NRG1: variants seen among roughly 807,000 people sequenced by gnomAD.
NRG1 encodes the protein pro-neuregulin-1, membrane-bound isoform.
In NRG1, 18 loss-of-function variants were observed where a neutral mutation model predicts 63.8. The observed-to-expected ratio is 0.28, with a 90% CI of 0.19 to 0.42. The LOEUF (loss-of-function observed/expected upper bound fraction) is 0.42. Among genes scored for constraint, NRG1 ranks in the 10% least tolerant of loss-of-function variants. The pLI is 1.00. For missense variants in NRG1, 762 were observed against 814.7 expected (o/e 0.94, Z 0.79); for synonymous variants, 302 against 301.3 (o/e 1.00, Z -0.02).
intron 1 of NRG1, among the ~76,000 whole-genome samples, chr8:31,944,604 A>G (rs957695579): frequency 3.3e-5 from 5 of 152,182 alleles, no homozygotes; most frequent in Admixed American, 1.3e-4. Context: ...AGAGCATAAT[A>G]AAACAAAAGA....
At chr8:31,715,594 G>A (rs1394524943) in intron 1 of NRG1, among the ~76,000 whole-genome samples, 2 of 152,032 alleles carry the variant, frequency 1.3e-5, no homozygotes, top group South Asian at 2.1e-4. Context: ...TTTAAATTCT[G>A]TATTATGAAT....
chr8:32,158,588 A>G (rs1838443065), intron 1 of NRG1, among the ~76,000 whole-genome samples: 1 of 150,840 alleles, frequency 6.6e-6, no homozygotes, highest in Non-Finnish European at 1.5e-5. Context: ...AAATAGAAAA[A>G]TTTGGCCAAG....
At chr8:32,472,252 C>T (rs372809812) in intron 1 of NRG1, among the ~76,000 whole-genome samples, 16 of 152,168 alleles carry the variant, frequency 1.1e-4, no homozygotes, top group African/African-American at 3.1e-4. Flanking sequence ...CTCACTGCAA[C>T]CTCTACCCCT....
intron 1 of NRG1, among the ~76,000 whole-genome samples, chr8:32,223,136 A>G (rs1287930608): frequency 6.6e-6 from 1 of 152,254 alleles, no homozygotes; most frequent in Non-Finnish European, 1.5e-5. Flanking sequence ...AAGAATAACT[A>G]GAAAACACGT....
intron 1 of NRG1, among the ~76,000 whole-genome samples, chr8:32,372,426 C>A (rs1383832474): frequency 6.6e-6 from 1 of 152,052 alleles, no homozygotes; most frequent in Non-Finnish European, 1.5e-5. Flanking sequence ...AAAGTCACAA[C>A]CTAGATTGCA....
intron 1 of NRG1, among the ~76,000 whole-genome samples, chr8:32,145,528 A>G (rs1327354508): frequency 6.6e-6 from 1 of 152,194 alleles, no homozygotes; most frequent in Non-Finnish European, 1.5e-5. Flanking sequence ...ATCATGGTAT[A>G]TTGTGCATTG....
intron 5 of NRG1, among the ~76,000 whole-genome samples, chr8:32,628,308 C>A (rs1377407040): frequency 6.6e-6 from 1 of 152,156 alleles, no homozygotes; most frequent in Non-Finnish European, 1.5e-5. Context: ...TTGTACATTT[C>A]TCTTATTTGA....
intron 1 of NRG1, among the ~76,000 whole-genome samples, chr8:32,589,087 C>T (rs1253728068): frequency 6.6e-6 from 1 of 152,150 alleles, no homozygotes; most frequent in Non-Finnish European, 1.5e-5. Flanking sequence ...AGCTGCATTC[C>T]GAAATACCAT....
chr8:32,761,760 G>C (rs945717040), intron 11 of NRG1, among the ~76,000 whole-genome samples: 1 of 151,834 alleles, frequency 6.6e-6, no homozygotes, highest in Admixed American at 6.6e-5. Context: ...AAAATGACAG[G>C]CTGGGCACGG....
chr8:32,595,684 C>A, intron 1 of NRG1, 144 bp from the exon 2 acceptor site: 2 of 595,264 alleles, frequency 3.4e-6, no homozygotes, highest in East Asian at 2.9e-5. Flanking sequence ...TCCATTTTCG[C>A]TCATCCATTT....
rs5890665 is a variant in NRG1, at chr8:32,600,325, G to GACACAC, written c.278+4344_278+4349dup. ...TTTTACACTATCTGAAGCAGTGTTG[G>GACACAC]ACACACACACACACACACACACACA... On this transcript the variant is annotated intron_variant, in intron 2 of 11. Coordinates refer to ENST00000356819, the Ensembl canonical transcript of NRG1. Among the ~76,000 whole-genome samples, 1,487 of 149,564 alleles carry GACACAC rather than the reference G, an allele frequency of 9.9e-3. 3 individuals carry two copies. Among genetic ancestry groups the GACACAC allele is most frequent in the Middle Eastern group, 0.021 (6 of 290 alleles).
chr8:32,756,550 G>A (rs1829732147), intron 9 of NRG1, 21 bp downstream of exon 9: 1 of 1,592,940 alleles, frequency 6.3e-7, no homozygotes, highest in African/African-American at 1.4e-5. Context: ...TCTGGCCAGT[G>A]GAAAAAACTG....
At chr8:32,231,964 C>A (rs1847003916) in intron 1 of NRG1, among the ~76,000 whole-genome samples, 1 of 151,910 alleles carries the variant, frequency 6.6e-6, no homozygotes, top group African/African-American at 2.4e-5. Context: ...AGTGCAGTGG[C>A]ATGATCACAG....
intron 1 of NRG1, among the ~76,000 whole-genome samples, chr8:31,864,270 A>G (rs778712228): frequency 6.6e-6 from 1 of 152,198 alleles, no homozygotes; most frequent in Non-Finnish European, 1.5e-5. Flanking sequence ...GTAGAGCAGA[A>G]CAAAAGACAT....
At chr8:32,208,071 G>T (rs1377622770) in intron 1 of NRG1, among the ~76,000 whole-genome samples, 1 of 152,102 alleles carries the variant, frequency 6.6e-6, no homozygotes, top group Non-Finnish European at 1.5e-5. Flanking sequence ...AAATGCCTAG[G>T]TCTCTGTCTA....
intron 1 of NRG1, among the ~76,000 whole-genome samples, chr8:31,784,328 C>T (rs1819977624): frequency 6.6e-6 from 1 of 152,196 alleles, no homozygotes; most frequent in Non-Finnish European, 1.5e-5. Flanking sequence ...TTCATATGAG[C>T]TAAGAGCTTC....
chr8:31,759,365 T>C (rs916113361), intron 1 of NRG1, among the ~76,000 whole-genome samples: 4 of 152,138 alleles, frequency 2.6e-5, no homozygotes, highest in African/African-American at 9.6e-5. Context: ...CTTCAGACTT[T>C]TAGCTTATAC....
downstream of NRG1, among the ~76,000 whole-genome samples, chr8:32,772,896 G>A (rs1357609217): frequency 1.3e-5 from 2 of 152,210 alleles, no homozygotes; most frequent in Admixed American, 6.5e-5. Flanking sequence ...CCAACAACGA[G>A]ATGATTCTGC....
chr8:32,010,329 T>A (rs1380757654), intron 1 of NRG1, among the ~76,000 whole-genome samples: 1 of 152,116 alleles, frequency 6.6e-6, no homozygotes, highest in Non-Finnish European at 1.5e-5. Flanking sequence ...TAGGTTGTTT[T>A]GCAAACCCAT....
Sources: allele counts gnomAD v4.1 joint callset (sites outside exome capture counted in the v4.1 genomes callset), GRCh38; gene constraint gnomAD v4.1.1; transcripts MANE v1.5; gene names NCBI Gene and HGNC (gene_info 2026-07-23, HGNC 2026-07-21).